The following DAB1 variants were observed in gnomAD, a reference collection of about 807,000 sequenced individuals.
DAB1 encodes DAB adaptor protein 1.
A neutral mutation model predicts 64.6 loss-of-function variants in DAB1; 15 were observed. The observed-to-expected ratio is 0.23, with a 90% CI of 0.16 to 0.36. DAB1 has a LOEUF of 0.36. Among genes scored for constraint, DAB1 ranks in the 10% least tolerant of loss-of-function variants. The pLI, the probability that DAB1 is intolerant of heterozygous loss-of-function variation, is 1.00. For synonymous variants in DAB1, 235 were observed against 251.9 expected (o/e 0.93, Z 0.64); for missense variants, 596 against 706.7 (o/e 0.84, Z 1.78).
chr1:57,941,557 C>T lies in DAB1; in HGVS notation n.388-57395G>A, dbSNP rs72666175. 5.5e-3 allele frequency among the ~76,000 whole-genome samples: 845 copies of T among 152,318 alleles called. 4 individuals carry two copies. Among genetic ancestry groups the T allele is most frequent in the Non-Finnish European group, 9.1e-3 (620 of 68,026 alleles). On this transcript the variant is annotated intron_variant and non_coding_transcript_variant, in intron 5 of 20. Coordinates refer to the DAB1 transcript ENST00000485760. Reference sequence around the variant, plus strand: ...TATCTGGTTTAAGAAATCGAATGGGCCGGGCATGGTGGCTCACGCCTGTAA... The same window carrying T: ...TATCTGGTTTAAGAAATCGAATGGGTCGGGCATGGTGGCTCACGCCTGTAA...
intron 1 of DAB1, among the ~76,000 whole-genome samples, chr1:57,309,273 T>G (rs972693118): frequency 6.6e-6 from 1 of 152,162 alleles, no homozygotes; most frequent in African/African-American, 2.4e-5. Flanking sequence ...GGTCACCTGA[T>G]CTTTAGTCCA....
At chr1:57,089,828 G>A (rs1653476546) in intron 4 of DAB1, among the ~76,000 whole-genome samples, 1 of 152,194 alleles carries the variant, frequency 6.6e-6, no homozygotes, top group Non-Finnish European at 1.5e-5. Flanking sequence ...AGGCTTTACA[G>A]TCTTGTCCCA....
rs900457250 is a variant in DAB1 at position 58,079,795 on chromosome 1, A to G, written n.387+70716T>C. Among the ~76,000 whole-genome samples the G allele has an allele frequency of 2.6e-5, 4 of 152,048 alleles. No homozygotes were observed. The South Asian group carries it at 8.3e-4, about 32-fold the overall frequency. On this transcript the variant is annotated intron_variant and non_coding_transcript_variant, in intron 5 of 20. Transcript: ENST00000485760. ...CAACCTCCCAAAGTGCTGGGATTAC[A>G]GGTGTGAGCCACTGCACCTGGCCGA...
chr1:58,330,117 C>G (rs1449635629), intron 4 of DAB1, among the ~76,000 whole-genome samples: 2 of 152,168 alleles, frequency 1.3e-5, no homozygotes, highest in Non-Finnish European at 2.9e-5. Context: ...AAAAGTTCTT[C>G]AAGGAAATTA....
intron 3 of DAB1, among the ~76,000 whole-genome samples, chr1:58,398,029 G>A (rs1003842155): frequency 5.3e-5 from 8 of 152,056 alleles, no homozygotes; most frequent in East Asian, 3.9e-4. Flanking sequence ...ACCATCTCTC[G>A]CCCATAACAC....
At chr1:57,831,983 G>C (rs1459167884) in intron 1 of DAB1, among the ~76,000 whole-genome samples, 2 of 152,174 alleles carry the variant, frequency 1.3e-5, no homozygotes, top group African/African-American at 4.8e-5. Flanking sequence ...TTCCAGTGGA[G>C]AAGACACATG....
At chr1:57,998,055 A>T (rs1294719793) in intron 5 of DAB1, among the ~76,000 whole-genome samples, 4 of 152,170 alleles carry the variant, frequency 2.6e-5, no homozygotes, top group African/African-American at 9.6e-5. Flanking sequence ...AGCCCTTCAT[A>T]AACTCCTCAG....
chr1:57,455,381 A>C (rs1041303807), intron 7 of DAB1, among the ~76,000 whole-genome samples: 2 of 152,134 alleles, frequency 1.3e-5, no homozygotes, highest in Non-Finnish European at 2.9e-5. Context: ...TCTGGGAATA[A>C]ACAGCATCAG....
At position 58,254,543 on chromosome 1, in the gene DAB1, C is replaced by G. The variant is rs1481508063; in HGVS notation, n.309+88809G>C. On this transcript the variant is annotated intron_variant and non_coding_transcript_variant, in intron 4 of 20. Transcript: ENST00000485760. The stretch of plus-strand genomic sequence containing the variant: ...TATCTCCCAATGCTATCCCTCCCCC[C>G]TCCCCCCACCCCACCACAGTCCCCA... 1.6e-4 allele frequency among the ~76,000 whole-genome samples: 16 copies of G among 97,926 alleles called. No homozygotes were observed. In the South Asian group the frequency reaches 4.3e-3, roughly 26 times the overall value. 64.2% of individuals were successfully genotyped at this position (97,926 alleles called of 152,430 possible). A position where few individuals can be genotyped will look rare whatever the true frequency, so the allele number is the denominator to read the frequency against.
At chr1:57,342,809 G>T (rs571434442) in intron 1 of DAB1, among the ~76,000 whole-genome samples, 2 of 149,680 alleles carry the variant, frequency 1.3e-5, no homozygotes, top group South Asian at 4.2e-4. Context: ...AAGGAGGCGT[G>T]TCTGGAGTTG....
At chr1:58,408,203 C>G (rs1471289305) in intron 3 of DAB1, among the ~76,000 whole-genome samples, 1 of 152,180 alleles carries the variant, frequency 6.6e-6, no homozygotes, top group African/African-American at 2.4e-5. Flanking sequence ...AGTGATCTGA[C>G]AGAGAGGCTC....
At chr1:57,969,411 T>C (rs1394523438) in intron 5 of DAB1, among the ~76,000 whole-genome samples, 1 of 152,156 alleles carries the variant, frequency 6.6e-6, no homozygotes, top group Non-Finnish European at 1.5e-5. Context: ...GGAGCCATCT[T>C]GGCTCACCGC....
chr1:58,070,898 G>A (rs1649195808), intron 5 of DAB1, among the ~76,000 whole-genome samples: 1 of 152,200 alleles, frequency 6.6e-6, no homozygotes, highest in Non-Finnish European at 1.5e-5. Flanking sequence ...ATTAAGTGTG[G>A]AAATGTTGAG....
intron 6 of DAB1, among the ~76,000 whole-genome samples, chr1:57,745,558 C>T (rs1373257079): frequency 6.6e-6 from 1 of 152,204 alleles, no homozygotes; most frequent in African/African-American, 2.4e-5. Flanking sequence ...TGACCTACCT[C>T]CCCACCTTCA....
chr1:58,211,523 C>T (rs1355211099), intron 4 of DAB1, among the ~76,000 whole-genome samples: 1 of 152,118 alleles, frequency 6.6e-6, no homozygotes, highest in African/African-American at 2.4e-5. Flanking sequence ...AACTCACACA[C>T]CTACTTATTG....
At chr1:57,212,417 G>C (rs1666089753) in intron 2 of DAB1, among the ~76,000 whole-genome samples, 1 of 137,432 alleles carries the variant, frequency 7.3e-6, no homozygotes, top group Admixed American at 7.8e-5. Context: ...GCCCAGGCTG[G>C]AGTGCAGTGG....
intron 6 of DAB1, among the ~76,000 whole-genome samples, chr1:57,677,236 G>C (rs1257819477): frequency 6.6e-6 from 1 of 152,132 alleles, no homozygotes; most frequent in African/African-American, 2.4e-5. Flanking sequence ...CCAGAACTTT[G>C]AGAAAAATAA....
chr1:57,488,265 G>A lies in DAB1; in HGVS notation n.625+161327C>T, dbSNP rs554707956. 1.8e-3 allele frequency among the ~76,000 whole-genome samples: 276 copies of A among 152,190 alleles called. 1 individual carries two copies. Among genetic ancestry groups the A allele is most frequent in the Non-Finnish European group, 3.4e-3 (228 of 68,006 alleles). ...AAAAATACAAAAAATTAGCCGGCAT[G>A]GTGGCAGGCACCTGTAGTCCCAGGT... On this transcript the variant is annotated intron_variant and non_coding_transcript_variant, in intron 7 of 20. Coordinates refer to the DAB1 transcript ENST00000485760.
At chr1:58,027,239 T>C (rs1346802383) in intron 5 of DAB1, among the ~76,000 whole-genome samples, 1 of 152,156 alleles carries the variant, frequency 6.6e-6, no homozygotes, top group Non-Finnish European at 1.5e-5. Context: ...ATTGGATTTT[T>C]TAAATGTATA....
Sources: allele counts gnomAD v4.1 joint callset (sites outside exome capture counted in the v4.1 genomes callset), GRCh38; gene constraint gnomAD v4.1.1; transcripts MANE v1.5; gene names NCBI Gene and HGNC (gene_info 2026-07-23, HGNC 2026-07-21).